ARFGEF3: variants seen among roughly 807,000 people sequenced by gnomAD.
ARFGEF3 encodes the protein ARFGEF family member 3, also known as brefeldin A-inhibited guanine nucleotide-exchange protein 3.
ARFGEF3 carries 96 observed loss-of-function variants against 221.7 expected under a neutral mutation model. The ratio of observed to expected loss-of-function variants is 0.43; its 90% CI spans 0.37 to 0.51. The LOEUF (loss-of-function observed/expected upper bound fraction) is 0.51. Ranked by LOEUF, ARFGEF3 falls within the 20% of genes least tolerant of loss-of-function variation. The probability of loss-of-function intolerance (pLI) is 0.00; values close to 1 mark genes in which losing one functional copy is unlikely to be tolerated. For missense variants in ARFGEF3, 2,410 were observed against 2,789.9 expected (o/e 0.86, Z 3.07); for synonymous variants, 1,145 against 1,126.8 (o/e 1.02, Z -0.32).
At chr6:138,285,427 C>T (rs1779269424) in intron 14 of ARFGEF3, among the ~76,000 whole-genome samples, 1 of 148,722 alleles carries the variant, frequency 6.7e-6, no homozygotes, top group African/African-American at 2.5e-5. Flanking sequence ...GCACTCCAGC[C>T]TGGGCGACAG....
chr6:138,182,665 T>C (rs1426097091), intron 2 of ARFGEF3, among the ~76,000 whole-genome samples: 1 of 152,248 alleles, frequency 6.6e-6, no homozygotes, highest in Non-Finnish European at 1.5e-5. Flanking sequence ...GGAATTGATG[T>C]GAATACCCAC....
chr6:138,249,026 C>T (rs1044793004), intron 8 of ARFGEF3, among the ~76,000 whole-genome samples: 3 of 152,098 alleles, frequency 2.0e-5, no homozygotes, highest in Non-Finnish European at 2.9e-5. Flanking sequence ...CACCCAGGAA[C>T]CCCCATCAGC....
At chr6:138,246,267 C>T (rs986073623) in intron 8 of ARFGEF3, among the ~76,000 whole-genome samples, 2 of 151,838 alleles carry the variant, frequency 1.3e-5, no homozygotes, top group African/African-American at 4.9e-5. Context: ...CTACATATGC[C>T]ATGAATTGCA....
chr6:138,263,072 G>T lies in ARFGEF3; in HGVS notation c.1589G>T (p.Gly530Val). The stretch of plus-strand genomic sequence containing the variant: ...CAGACTACACCCGAGGACCATTCGG[G>T]AAACCACAAGAACAGTCTCAAGTCG... ...LGQTTPEDHS[G>V]NHKNSLKSPA... Residue 530 changes from glycine (G) to valine (V), a missense_variant, in exon 12 of 34, where the codon GGA becomes GTA. Gly to Val is a moderately radical substitution (Grantham distance 109). Around this residue, in one of 5 missense-constraint regions of ARFGEF3, gnomAD observed 594 missense variants for 734.3 expected, o/e 0.81. Coordinates refer to ENST00000251691, the MANE Select transcript of ARFGEF3 (RefSeq NM_020340.5). 1 of 1,613,580 alleles carries T rather than the reference G, an allele frequency of 6.2e-7. No individual in the cohort carries two copies. Among genetic ancestry groups the T allele is most frequent in the South Asian group, 1.1e-5 (1 of 91,002 alleles).
intron 2 of ARFGEF3, among the ~76,000 whole-genome samples, chr6:138,206,220 G>A (rs899310301): frequency 2.0e-4 from 30 of 152,026 alleles, no homozygotes; most frequent in African/African-American, 4.8e-4. Context: ...TTGGTCTGTC[G>A]TTTAATTATT....
At chr6:138,166,852 A>G (rs990217389) in intron 1 of ARFGEF3, among the ~76,000 whole-genome samples, 1 of 152,208 alleles carries the variant, frequency 6.6e-6, no homozygotes, top group African/African-American at 2.4e-5. Flanking sequence ...CATCTATCCA[A>G]CCAGCACCCT....
intron 6 of ARFGEF3, among the ~76,000 whole-genome samples, chr6:138,241,645 C>T (rs923643570): frequency 1.2e-4 from 18 of 152,184 alleles, no homozygotes; most frequent in African/African-American, 4.3e-4. Context: ...GCCTCAGTCA[C>T]TCATTTCAGT....
intron 3 of ARFGEF3, among the ~76,000 whole-genome samples, chr6:138,207,772 C>A (rs1482532540): frequency 1.3e-5 from 2 of 152,096 alleles, no homozygotes; most frequent in Non-Finnish European, 2.9e-5. Flanking sequence ...GAAGTTGAAG[C>A]CTGCAGGAGT....
At chr6:138,326,705 T>G (rs1780132639) in intron 31 of ARFGEF3, among the ~76,000 whole-genome samples, 1 of 152,162 alleles carries the variant, frequency 6.6e-6, no homozygotes, top group Admixed American at 6.5e-5. Flanking sequence ...AGTGTGGTGA[T>G]TCCTCAAAGA....
In ARFGEF3 at chr6:138,334,027, C is replaced by T; in HGVS notation, c.5181C>T (p.Asn1727=). The T allele has an allele frequency of 6.2e-7, 1 of 1,613,882 alleles. No individual in the cohort carries two copies. Among genetic ancestry groups the T allele is most frequent in the African/African-American group, 1.3e-5 (1 of 75,044 alleles). ...SLLSHQVLLQ[N]LYDILLEEFV... is the part of the protein sequence containing the mutation. Reference sequence around the variant, plus strand: ...TGTCTCATCAGGTGTTACTCCAGAACTTATATGACATCTTGTTAGAAGAGT... The same window carrying T: ...TGTCTCATCAGGTGTTACTCCAGAATTTATATGACATCTTGTTAGAAGAGT... Residue 1727 remains asparagine, a synonymous_variant, in exon 33 of 34, where the codon AAC becomes AAT. Transcript: ENST00000251691. This position sits in a 1 kb window ranked among gnomAD's most constrained non-coding sequence, Gnocchi z 5.1.
chr6:138,216,151 G>C (rs569759050), intron 4 of ARFGEF3: 1 of 152,080 alleles, frequency 6.6e-6, no homozygotes, highest in South Asian at 2.1e-4. Flanking sequence ...CTAATTTTTT[G>C]TGTTTTTAGT....
At chr6:138,191,310 T>C (rs972669568) in intron 2 of ARFGEF3, among the ~76,000 whole-genome samples, 2 of 152,138 alleles carry the variant, frequency 1.3e-5, no homozygotes, top group African/African-American at 4.8e-5. Context: ...ACATATCACA[T>C]AGCGTGTTAA....
intron 32 of ARFGEF3, among the ~76,000 whole-genome samples, chr6:138,331,641 T>C (rs937039426): frequency 3.3e-5 from 5 of 152,264 alleles, no homozygotes; most frequent in Non-Finnish European, 7.3e-5. Flanking sequence ...CCACTTGTTA[T>C]GCAATTAACT....
chr6:138,327,363 C>T (rs1780144701), intron 31 of ARFGEF3, among the ~76,000 whole-genome samples: 1 of 152,172 alleles, frequency 6.6e-6, no homozygotes, highest in African/African-American at 2.4e-5. Context: ...GTGGGAGGAT[C>T]ACTCGAGCCT....
At chr6:138,237,002 T>TTC (rs1778299898) in intron 5 of ARFGEF3, among the ~76,000 whole-genome samples, 1 of 151,610 alleles carries the variant, frequency 6.6e-6, no homozygotes. Flanking sequence ...AGACTGCCTT[T>TTC]TTTTTTTTTC....
chr6:138,285,859 G>C, intron 14 of ARFGEF3, 87 bp from the exon 15 acceptor site: 1 of 756,358 alleles, frequency 1.3e-6, no homozygotes, highest in East Asian at 2.6e-5. Context: ...AGGGATATTT[G>C]TTAAAAATGA....
intron 14 of ARFGEF3, among the ~76,000 whole-genome samples, chr6:138,284,390 T>G (rs931375675): frequency 1.3e-5 from 2 of 152,176 alleles, no homozygotes; most frequent in Non-Finnish European, 1.5e-5. Context: ...GCTATGTTAG[T>G]TGCATCCAAG....
intron 1 of ARFGEF3, among the ~76,000 whole-genome samples, chr6:138,166,079 T>C (rs1776716996): frequency 1.3e-5 from 2 of 152,244 alleles, no homozygotes; most frequent in Admixed American, 1.3e-4. Context: ...GGGGAATGGA[T>C]ACTCGTCAAT....
intron 20 of ARFGEF3, among the ~76,000 whole-genome samples, chr6:138,294,773 G>A (rs1779477048): frequency 6.6e-6 from 1 of 152,204 alleles, no homozygotes; most frequent in Non-Finnish European, 1.5e-5. Context: ...TGTTCATCAA[G>A]AGCACAAGTG....
Sources: gnomAD v4.1 joint callset for allele counts (sites outside exome capture counted in the v4.1 genomes callset) on GRCh38, gnomAD v4.1.1 for gene constraint, gnomAD v4.1.1 regional missense constraint, Gnocchi (gnomAD v3.1) non-coding constraint, MANE v1.5 for transcripts, NCBI Gene and HGNC (gene_info 2026-07-23, HGNC 2026-07-21) for gene names.